Variants in AFTPH observed in about 807,000 individuals in gnomAD.
AFTPH encodes the protein aftiphilin protein.
Under a neutral mutation model 72.5 loss-of-function variants are expected in AFTPH, and 7 were observed. That is an observed-to-expected ratio of 0.10 (90% CI 0.05 to 0.18). The LOEUF (loss-of-function observed/expected upper bound fraction) is 0.18. Among genes scored for constraint, AFTPH ranks in the 10% least tolerant of loss-of-function variants. AFTPH has a pLI of 1.00. For synonymous variants in AFTPH, 337 were observed against 370.1 expected (o/e 0.91, Z 1.03); for missense variants, 979 against 1,060.5 (o/e 0.92, Z 1.07).
intron 5 of AFTPH, among the ~76,000 whole-genome samples, chr2:64,570,292 A>G (rs1372005726): frequency 2.6e-5 from 4 of 152,158 alleles, no homozygotes; most frequent in Admixed American, 6.5e-5. Context: ...ATTTTTATCG[A>G]TGAATAAAAA....
chr2:64,577,575 C>G (rs1672900226), intron 6 of AFTPH, among the ~76,000 whole-genome samples: 1 of 152,154 alleles, frequency 6.6e-6, no homozygotes, highest in Non-Finnish European at 1.5e-5. Context: ...TAGATTTTGT[C>G]CATTCATTCA....
rs1669820057 is a variant in AFTPH, at chr2:64,535,148, AG to A, written c.-33+10537del. Among the ~76,000 whole-genome samples the A allele has an allele frequency of 1.3e-5, 2 of 152,226 alleles. 1 individual carries two copies. Among genetic ancestry groups the A allele is most frequent in the South Asian group, 4.1e-4 (2 of 4,834 alleles). On this transcript the variant is annotated intron_variant, in intron 1 of 8. Coordinates refer to ENST00000238856, the Ensembl canonical transcript of AFTPH. ...TTTTTGTAGGAAAAAGTACTATTGC[AG>A]TGATTTACCTATATCAATGAGTTTA...
intron 2 of AFTPH, among the ~76,000 whole-genome samples, chr2:64,556,080 C>T (rs1000883481): frequency 2.0e-4 from 30 of 151,382 alleles, no homozygotes; most frequent in South Asian, 4.2e-4. Context: ...CTCCGCCTCC[C>T]GGGTTCAAGC....
chr2:64,555,443 C>T (rs1334466147), intron 2 of AFTPH, among the ~76,000 whole-genome samples: 1 of 151,922 alleles, frequency 6.6e-6, no homozygotes, highest in Non-Finnish European at 1.5e-5. Context: ...CATCTGTAAT[C>T]CCAGCTACTC....
intron 7 of AFTPH, chr2:64,580,881 G>T (rs771791975): frequency 5.6e-6 from 1 of 178,510 alleles, no homozygotes; most frequent in Non-Finnish European, 1.2e-5. Context: ...CATTCCTTTC[G>T]GTCTTTCTGG....
At chr2:64,542,008 A>AT (rs1167414500) in intron 1 of AFTPH, among the ~76,000 whole-genome samples, 1 of 152,054 alleles carries the variant, frequency 6.6e-6, no homozygotes, top group African/African-American at 2.4e-5. Context: ...TTCACCCTCC[A>AT]TCCTGGTCCC....
intron 1 of AFTPH, among the ~76,000 whole-genome samples, chr2:64,541,421 G>C (rs1157388824): frequency 6.6e-6 from 1 of 151,720 alleles, no homozygotes; most frequent in African/African-American, 2.4e-5. Flanking sequence ...AATATGCTAA[G>C]AACAAAAGAA....
At chr2:64,527,481 G>A (rs1429160544) in intron 1 of AFTPH, among the ~76,000 whole-genome samples, 1 of 151,942 alleles carries the variant, frequency 6.6e-6, no homozygotes, top group Admixed American at 6.6e-5. Context: ...TCGGGAGACT[G>A]AGGCAGGGGA....
chr2:64,553,442 TATTA>T (rs1671170783), intron 2 of AFTPH, 33 bp downstream of exon 2: 1 of 1,518,630 alleles, frequency 6.6e-7, no homozygotes, highest in African/African-American at 1.4e-5. Flanking sequence ...TTGTATGATG[TATTA>T]ATTGTTGTGG....
chr2:64,527,022 T>A (rs550342539), intron 1 of AFTPH, among the ~76,000 whole-genome samples: 1 of 152,362 alleles, frequency 6.6e-6, no homozygotes, highest in Non-Finnish European at 1.5e-5. Context: ...GTCTGTGATT[T>A]GTGCAATATG....
chr2:64,582,137 G>C (rs1378225099), intron 7 of AFTPH, among the ~76,000 whole-genome samples: 1 of 152,202 alleles, frequency 6.6e-6, no homozygotes, highest in Non-Finnish European at 1.5e-5. Flanking sequence ...ACAGCTGTTG[G>C]GGTGCCGTAG....
At chr2:64,535,613 A>G (rs913802666) in intron 1 of AFTPH, among the ~76,000 whole-genome samples, 6 of 152,236 alleles carry the variant, frequency 3.9e-5, no homozygotes, top group Non-Finnish European at 7.3e-5. Flanking sequence ...TGGTGTATGA[A>G]TAAGTACCTT....
chr2:64,579,757 AGTT>A, intron 7 of AFTPH: 2 of 402,880 alleles, frequency 5.0e-6, no homozygotes, highest in East Asian at 7.2e-5. Flanking sequence ...AGGTAATAGT[AGTT>A]AGGTAAAATT....
At chr2:64,586,278 C>CA (rs1446912422) in intron 8 of AFTPH, among the ~76,000 whole-genome samples, 17 of 152,210 alleles carry the variant, frequency 1.1e-4, no homozygotes, top group Non-Finnish European at 2.4e-4. Flanking sequence ...GGTTGATTGA[C>CA]ACGCCAGCTC....
intron 1 of AFTPH, among the ~76,000 whole-genome samples, chr2:64,545,570 T>TTAAAAAAAAA (rs1670535024): frequency 4.1e-5 from 1 of 24,198 alleles, no homozygotes; most frequent in Admixed American, 7.2e-4. Flanking sequence ...CCACCAGCAG[T>TTAAAAAAAAA]AAAAAAAAAA....
exon 2 of AFTPH, chr2:64,551,843 T>G (rs937995094): frequency 1.9e-6 from 3 of 1,613,748 alleles, no homozygotes; most frequent in Non-Finnish European, 1.7e-6. Flanking sequence ...TGTTAGCTAC[T>G]TCCATTGATG....
chr2:64,581,303 G>GTGGT (rs1673182562), intron 7 of AFTPH, 30 bp downstream of exon 8: 1 of 1,538,660 alleles, frequency 6.5e-7, no homozygotes, highest in African/African-American at 1.4e-5. Context: ...CACAATTCCA[G>GTGGT]TTTATTTACT....
chr2:64,589,499 C>G (rs2104265908), intron 8 of AFTPH, among the ~76,000 whole-genome samples: 1 of 152,250 alleles, frequency 6.6e-6, no homozygotes, highest in East Asian at 1.9e-4. Context: ...TTTTCAAATT[C>G]TCCTTAAGTG....
intron 2 of AFTPH, among the ~76,000 whole-genome samples, chr2:64,558,992 G>A (rs1671556030): frequency 6.6e-6 from 1 of 152,172 alleles, no homozygotes; most frequent in Non-Finnish European, 1.5e-5. Context: ...TGGACATACG[G>A]AAAATGTGCA....
Sources: allele counts gnomAD v4.1 joint callset (sites outside exome capture counted in the v4.1 genomes callset), GRCh38; gene constraint gnomAD v4.1.1; transcripts MANE v1.5; gene names NCBI Gene and HGNC (gene_info 2026-07-23, HGNC 2026-07-21).